The following RP1L1 variants were observed in gnomAD, a reference collection of about 807,000 sequenced individuals.
RP1L1 encodes retinitis pigmentosa 1-like 1 protein.
RP1L1 carries 27 observed loss-of-function variants against 15.7 expected under a neutral mutation model. The observed-to-expected ratio is 1.72, with a 90% CI of 1.27 to 2.38. The LOEUF is 2.38. RP1L1 is among the 30% of genes most tolerant of loss of function. The pLI, the probability that RP1L1 is intolerant of heterozygous loss-of-function variation, is 0.00. For synonymous variants in RP1L1, 1,813 were observed against 1,276.7 expected, an observed-to-expected ratio of 1.42 and a Z score of -8.96; for missense variants, 4,798 against 3,075.9, an observed-to-expected ratio of 1.56 and a Z score of -13.24.
chr8:10,630,665 A>T (rs1798227251), intron 1 of RP1L1, among the ~76,000 whole-genome samples: 1 of 152,198 alleles, frequency 6.6e-6, no homozygotes, highest in Admixed American at 6.5e-5. Flanking sequence ...CCACAGGCAA[A>T]TTGCCCTCCA....
At chr8:10,643,389 G>C (rs1009660755) in intron 1 of RP1L1, among the ~76,000 whole-genome samples, 8 of 152,162 alleles carry the variant, frequency 5.3e-5, no homozygotes, top group African/African-American at 1.9e-4. Flanking sequence ...GATTCTGACT[G>C]CAGGCTGAGA....
At chr8:10,647,850 T>C (rs1798501891) in intron 1 of RP1L1, among the ~76,000 whole-genome samples, 1 of 152,240 alleles carries the variant, frequency 6.6e-6, no homozygotes, top group Non-Finnish European at 1.5e-5. Context: ...CTTCTGGGCA[T>C]ATACCTAGAA....
At chr8:10,644,532 T>C (rs919512632) in intron 1 of RP1L1, among the ~76,000 whole-genome samples, 6 of 152,216 alleles carry the variant, frequency 3.9e-5, no homozygotes, top group African/African-American at 1.4e-4. Flanking sequence ...CATCACAAGG[T>C]GACGCTGGAC....
Position 10,622,645 on chromosome 8 carries a change from G to C in RP1L1, c.557C>G (p.Ser186Ter), listed in dbSNP as rs1231602585. Reference sequence around the variant, plus strand: ...CTTCACAGGAAAGCGCAGGAGATCTGAGGCTTTGCCGAGAAAGGCGGCCAG... The same window carrying C: ...CTTCACAGGAAAGCGCAGGAGATCTCAGGCTTTGCCGAGAAAGGCGGCCAG... ...RNLAAFLGKA[S>*]DLLRFPVKQL... The change falls in exon 2 of 4, where the codon TCA becomes TGA. Residue 186 changes from serine to a stop codon, truncating the protein, a stop_gained. Transcript: ENST00000382483. LOFTEE classifies it high-confidence loss of function. 1.2e-6 allele frequency: 2 copies of C among 1,614,196 alleles called. No individual in the cohort carries two copies. Among genetic ancestry groups the C allele is most frequent in the South Asian group, 1.1e-5 (1 of 91,080 alleles).
Position 10,610,445 on chromosome 8 carries a change from G to C in RP1L1, c.3653C>G (p.Ala1218Gly). The change falls in exon 4 of 4, where the codon GCC becomes GGC. Residue 1218 changes from alanine to glycine, a missense_variant. Ala to Gly is a moderately conservative substitution (Grantham distance 60, BLOSUM62 0). Transcript: ENST00000382483. ...GGSGESSVPC[A>G]MDGTLVTQGT... Reference sequence around the variant, plus strand: ...CTGTGTCACCAGGGTGCCGTCCATGGCACAGGGTACGCTACTCTCCCCTGA... The same window carrying C: ...CTGTGTCACCAGGGTGCCGTCCATGCCACAGGGTACGCTACTCTCCCCTGA... 1 of 1,613,820 alleles carries C rather than the reference G, an allele frequency of 6.2e-7. No individual in the cohort carries two copies. Among genetic ancestry groups the C allele is most frequent in the African/African-American group, 1.3e-5 (1 of 75,038 alleles).
chr8:10,611,351 C>T lies in RP1L1; in HGVS notation c.2747G>A (p.Gly916Asp), dbSNP rs773931619. 1.3e-5 allele frequency: 21 copies of T among 1,611,524 alleles called. No homozygotes were observed. The highest frequency in any genetic ancestry group is 8.9e-5 in the East Asian group (4 of 44,866). ...CTCGGACAGCCCCCGAGACCCCGCA[C>T]CCTGGCTGGCACTGCTTCTCCTTGA... ...GASRRSSASQGAGSRGLSEEK... is the reference protein window; with the variant it reads ...GASRRSSASQDAGSRGLSEEK... Residue 916 changes from glycine to aspartate, a missense_variant, in exon 4 of 4, where the codon GGT becomes GAT. Coordinates refer to ENST00000382483, the MANE Select transcript of RP1L1 (RefSeq NM_178857.6).
chr8:10,639,954 T>G (rs1798383854), intron 1 of RP1L1, among the ~76,000 whole-genome samples: 1 of 152,272 alleles, frequency 6.6e-6, no homozygotes, highest in Non-Finnish European at 1.5e-5. Context: ...TAAATACATT[T>G]TAATACGATA....
chr8:10,645,163 C>T (rs1798458480), intron 1 of RP1L1, among the ~76,000 whole-genome samples: 1 of 151,956 alleles, frequency 6.6e-6, no homozygotes, highest in African/African-American at 2.4e-5. Flanking sequence ...CCCATCTCTA[C>T]AAAAAATAAA....
intron 2 of RP1L1, among the ~76,000 whole-genome samples, chr8:10,617,416 A>T (rs1168323056): frequency 6.7e-6 from 1 of 149,988 alleles, no homozygotes; most frequent in Non-Finnish European, 1.5e-5. Flanking sequence ...AAAAAAAAAA[A>T]AAAAAGAAAA....
chr8:10,641,312 G>C lies in RP1L1; in HGVS notation c.-20+13586C>G, dbSNP rs143796186. Among the ~76,000 whole-genome samples, 48 of 152,300 alleles carry C rather than the reference G, an allele frequency of 3.2e-4. No homozygotes were observed. The East Asian group carries it at 9.1e-3, about 29-fold the overall frequency. On this transcript the variant is annotated intron_variant, in intron 1 of 3. Transcript: ENST00000382483. ...AGAGCCCAAATCCTAGAGCAGCTTGGATCCTGGAGTCACCATCTACAAGAC... is the reference window on the plus strand; with the variant it reads ...AGAGCCCAAATCCTAGAGCAGCTTGCATCCTGGAGTCACCATCTACAAGAC...
At chr8:10,617,799 G>T (rs899432662) in intron 2 of RP1L1, among the ~76,000 whole-genome samples, 2 of 152,004 alleles carry the variant, frequency 1.3e-5, no homozygotes, top group Non-Finnish European at 2.9e-5. Context: ...CTCGTGATCC[G>T]CCGGCCTCGG....
chr8:10,645,194 G>A (rs906425917), intron 1 of RP1L1, among the ~76,000 whole-genome samples: 4 of 152,112 alleles, frequency 2.6e-5, no homozygotes, highest in African/African-American at 4.8e-5. Context: ...GGGCGTGGTG[G>A]TGCACACCTG....
At position 10,612,962 on chromosome 8, in the gene RP1L1, G is replaced by A. The variant is rs772492288; in HGVS notation, c.1136C>T (p.Pro379Leu). 8.7e-6 allele frequency: 14 copies of A among 1,613,116 alleles called. No individual in the cohort carries two copies. In the South Asian group the frequency reaches 1.1e-4, roughly 13 times the overall value. ...WEGYPWGFSEPGVWGPRPCRV... is the reference protein window; with the variant it reads ...WEGYPWGFSELGVWGPRPCRV... ...GCAGGGCCGGGGTCCCCACACCCCA[G>A]GCTCTGAGAAGCCCCAAGGGTAGCC... Residue 379 changes from proline to leucine, a missense_variant, in exon 4 of 4, where the codon CCT becomes CTT. Transcript: ENST00000382483.
chr8:10,625,656 G>A (rs1425786718), intron 1 of RP1L1, among the ~76,000 whole-genome samples: 3 of 152,184 alleles, frequency 2.0e-5, no homozygotes, highest in Admixed American at 1.3e-4. Flanking sequence ...CATCAGGTGC[G>A]GGCAGGTAGA....
At chr8:10,647,972 A>G (rs537065545) in intron 1 of RP1L1, among the ~76,000 whole-genome samples, 147 of 152,004 alleles carry the variant, frequency 9.7e-4, no homozygotes, top group African/African-American at 3.5e-3. Context: ...TGCACAAGGA[A>G]TCCAGATTCT....
At position 10,611,576 on chromosome 8, in the gene RP1L1, G is replaced by T. The variant is rs763861008; in HGVS notation, c.2522C>A (p.Pro841His). ...TQPAQEAQRG[P>H]SPEASWLCGR... is the part of the protein sequence containing the mutation. The stretch of plus-strand genomic sequence containing the variant: ...ACACAGCCAGCTAGCCTCAGGGGAG[G>T]GTCCCCGCTGGGCCTCTTGGGCCGG... The change falls in exon 4 of 4, where the codon CCC (proline) becomes CAC (histidine). Residue 841 changes from proline to histidine, a missense_variant. By Grantham distance (77) the Pro-to-His change is moderately conservative. Coordinates refer to ENST00000382483, the MANE Select transcript of RP1L1 (RefSeq NM_178857.6). The T allele has an allele frequency of 1.9e-6, 3 of 1,607,940 alleles. No individual in the cohort carries two copies. Among genetic ancestry groups the T allele is most frequent in the African/African-American group, 1.3e-5 (1 of 74,888 alleles).
chr8:10,614,079 G>C (rs1797926045), intron 3 of RP1L1, among the ~76,000 whole-genome samples: 1 of 152,216 alleles, frequency 6.6e-6, no homozygotes, highest in Non-Finnish European at 1.5e-5. Context: ...TGGCAGACTT[G>C]GCAGGCAGAG....
rs567106336 is a variant in RP1L1, at chr8:10,612,991, C to T, written c.1107G>A (p.Trp369Ter). The change falls in exon 4 of 4, where the codon TGG (tryptophan) becomes TGA (stop). Residue 369 changes from tryptophan (W) to a stop codon, truncating the protein, a stop_gained. Coordinates refer to ENST00000382483, the MANE Select transcript of RP1L1 (RefSeq NM_178857.6). LOFTEE classifies it low-confidence loss of function (END_TRUNC). ...CTGAGAAGCCCCAAGGGTAGCCCTC[C>T]CACACACAGCAGAGGGGGTCTACCT... ...LGEVDPLCCV[W>*]EGYPWGFSEP... is the part of the protein sequence containing the mutation. The T allele has an allele frequency of 5.7e-5, 92 of 1,613,314 alleles. No individual in the cohort carries two copies. Among genetic ancestry groups the T allele is most frequent in the Non-Finnish European group, 7.8e-5 (92 of 1,179,932 alleles).
rs1347270753 is a variant in RP1L1 at position 10,612,270 on chromosome 8, G to A, written c.1828C>T (p.Pro610Ser). 2 of 1,613,080 alleles carry A rather than the reference G, an allele frequency of 1.2e-6. No homozygotes were observed. The highest frequency in any genetic ancestry group is 1.7e-6 in the Non-Finnish European group (2 of 1,180,038). Residue 610 changes from proline to serine, a missense_variant, in exon 4 of 4, where the codon CCT (proline) becomes TCT (serine). Transcript: ENST00000382483. ...QATGAAVTRE[P>S]LVLGLSCSWD... ...GAGCAGGAAAGGCCCAGAACCAGAG[G>A]CTCCCTTGTCACAGCCGCTCCCGTG...
Sources: allele counts gnomAD v4.1 joint callset (sites outside exome capture counted in the v4.1 genomes callset), GRCh38; gene constraint gnomAD v4.1.1; transcripts MANE v1.5; gene names NCBI Gene and HGNC (gene_info 2026-07-23, HGNC 2026-07-21).